Variants in RGS5 observed in about 807,000 individuals in gnomAD.
The protein encoded by RGS5 is regulator of G protein signaling 5, also known as regulator of G-protein signalling 5.
RGS5 carries 20 observed loss-of-function variants against 18.9 expected under a neutral mutation model. The ratio of observed to expected loss-of-function variants is 1.06; its 90% CI spans 0.74 to 1.54. The LOEUF is 1.54. Ranked by LOEUF, RGS5 falls within the 40% of genes most tolerant of loss-of-function variation. The probability of loss-of-function intolerance (pLI) is 0.00; values close to 1 mark genes in which losing one functional copy is unlikely to be tolerated. For missense variants in RGS5, 201 were observed against 211.8 expected (o/e 0.95, Z 0.32); for synonymous variants, 57 against 76.2 (o/e 0.75, Z 1.31).
intron 2 of RGS5, among the ~76,000 whole-genome samples, chr1:163,277,024 A>G (rs2101715966): frequency 6.6e-6 from 1 of 152,334 alleles, no homozygotes; most frequent in South Asian, 2.1e-4. Context: ...CTTTAGTCTG[A>G]TAAGAAACAT....
intron 3 of RGS5, among the ~76,000 whole-genome samples, chr1:163,159,598 T>C (rs1657719714): frequency 2.0e-5 from 3 of 152,152 alleles, no homozygotes; most frequent in South Asian, 2.1e-4. Flanking sequence ...ACCCTTCTTT[T>C]TTAGTTGGGC....
At chr1:163,256,529 A>AT (rs1325189912) in intron 2 of RGS5, among the ~76,000 whole-genome samples, 1 of 152,238 alleles carries the variant, frequency 6.6e-6, no homozygotes, top group Non-Finnish European at 1.5e-5. Context: ...ATACGCATTC[A>AT]TCCAGTAAGA....
At chr1:163,270,213 C>T (rs1648682116) in intron 2 of RGS5, among the ~76,000 whole-genome samples, 1 of 151,976 alleles carries the variant, frequency 6.6e-6, no homozygotes, top group South Asian at 2.1e-4. Flanking sequence ...TTTTCTTTGC[C>T]TGAAGAGTTC....
intron 1 of RGS5, 30 bp downstream of exon 1, chr1:163,202,762 T>C (rs1171905003): frequency 1.9e-6 from 3 of 1,606,994 alleles, no homozygotes; most frequent in Non-Finnish European, 2.6e-6. Context: ...CATATCTGCA[T>C]CTCTTAAACA....
chr1:163,206,430 A>T (rs1659956145), upstream of RGS5, among the ~76,000 whole-genome samples: 1 of 152,056 alleles, frequency 6.6e-6, no homozygotes, highest in African/African-American at 2.4e-5. Context: ...TTCCCCTTTC[A>T]TCACACTTAG....
At chr1:163,168,217 T>C (rs200992937) in intron 2 of RGS5, 41 bp downstream of exon 2, 45 of 1,431,880 alleles carry the variant, frequency 3.1e-5, no homozygotes, top group Non-Finnish European at 3.9e-5. Context: ...AAAATAGCCA[T>C]CCTCTGGAGG....
At chr1:163,315,017 T>C (rs576071965) in intron 1 of RGS5, among the ~76,000 whole-genome samples, 19 of 152,192 alleles carry the variant, frequency 1.2e-4, no homozygotes, top group Non-Finnish European at 2.5e-4. Context: ...AAATGTGTTA[T>C]AACTAACTAA....
chr1:163,269,950 T>C (rs567281566), intron 2 of RGS5, among the ~76,000 whole-genome samples: 25 of 152,266 alleles, frequency 1.6e-4, no homozygotes, highest in Admixed American at 1.0e-3. Context: ...ACATAGCAAT[T>C]AAATAGAAGA....
intron 1 of RGS5, among the ~76,000 whole-genome samples, chr1:163,178,779 G>T (rs1658676008): frequency 6.6e-6 from 1 of 152,136 alleles, no homozygotes; most frequent in African/African-American, 2.4e-5. Flanking sequence ...ACCATAAAAT[G>T]GTGATGAAAC....
At chr1:163,227,063 G>C (rs1647353895) in intron 2 of RGS5, among the ~76,000 whole-genome samples, 1 of 152,152 alleles carries the variant, frequency 6.6e-6, no homozygotes, top group Admixed American at 6.5e-5. Flanking sequence ...TAATGATTTA[G>C]CCTCTTAAAT....
intron 2 of RGS5, among the ~76,000 whole-genome samples, chr1:163,244,331 T>A (rs1388918136): frequency 1.3e-5 from 2 of 152,186 alleles, no homozygotes; most frequent in African/African-American, 4.8e-5. Flanking sequence ...GTAAACACTT[T>A]CCATCTCTCC....
Position 163,313,820 on chromosome 1 carries a change from T to C in RGS5, c.-377-7491A>G, listed in dbSNP as rs183004650. ...CATAAAAAGGGTCTGCTGCACAGGT[T>C]ACAAAAATTAACACTGCCTCCACCA... On this transcript the variant is annotated intron_variant, in intron 1 of 5. Coordinates refer to the RGS5 transcript ENST00000618415. Among the ~76,000 whole-genome samples, 220 of 152,286 alleles carry C rather than the reference T, an allele frequency of 1.4e-3. 1 individual carries two copies. Among genetic ancestry groups the C allele is most frequent in the Non-Finnish European group, 2.6e-3 (174 of 68,008 alleles).
chr1:163,231,042 C>T (rs980352798), intron 2 of RGS5, among the ~76,000 whole-genome samples: 2 of 152,206 alleles, frequency 1.3e-5, no homozygotes, highest in African/African-American at 2.4e-5. Context: ...AAGTCAGGCA[C>T]CATTCTCTGG....
intron 1 of RGS5, among the ~76,000 whole-genome samples, chr1:163,215,096 G>A (rs751130937): frequency 4.6e-5 from 7 of 152,092 alleles, no homozygotes; most frequent in Non-Finnish European, 8.8e-5. Context: ...TAAAATATAC[G>A]TAAAATGGAA....
intron 2 of RGS5, chr1:163,260,478 G>A (rs192300000): frequency 9.9e-5 from 15 of 152,112 alleles, no homozygotes; most frequent in African/African-American, 3.6e-4. Flanking sequence ...CATATAGAGT[G>A]GTATAAAGGA....
rs76469944 is a variant in RGS5, at chr1:163,291,238, C to T, written c.-281+14995G>A. 7.2e-3 allele frequency among the ~76,000 whole-genome samples: 1,089 copies of T among 151,992 alleles called. 20 individuals carry two copies. The highest frequency in any genetic ancestry group is 0.024 in the African/African-American group (977 of 41,442). ...TTATTTAATGTGTTGTGAAGTTTTG[C>T]GTTTGCAAAAATTGTAACAGTGAGA... On this transcript the variant is annotated intron_variant, in intron 2 of 5. Transcript: ENST00000618415.
chr1:163,204,342 C>T (rs569621906), upstream of RGS5, among the ~76,000 whole-genome samples: 16 of 147,956 alleles, frequency 1.1e-4, no homozygotes, highest in Middle Eastern at 3.5e-3. Flanking sequence ...CACACACACA[C>T]ACAGACACAC....
At chr1:163,269,739 C>CG (rs1648669474) in intron 2 of RGS5, among the ~76,000 whole-genome samples, 1 of 152,122 alleles carries the variant, frequency 6.6e-6, no homozygotes, top group Admixed American at 6.6e-5. Flanking sequence ...TTCTGATCTA[C>CG]TATTCACCTC....
intron 2 of RGS5, among the ~76,000 whole-genome samples, chr1:163,290,364 C>A (rs535458035): frequency 6.6e-6 from 1 of 152,334 alleles, no homozygotes; most frequent in African/African-American, 2.4e-5. Context: ...TTACCCCACA[C>A]AAATGACGCC....
Sources: allele counts gnomAD v4.1 joint callset (sites outside exome capture counted in the v4.1 genomes callset), GRCh38; gene constraint gnomAD v4.1.1; transcripts MANE v1.5; gene names NCBI Gene and HGNC (gene_info 2026-07-23, HGNC 2026-07-21).